The following NUDCD3 variants were observed in gnomAD, a reference collection of about 807,000 sequenced individuals.
NUDCD3 encodes nudC domain-containing protein 3.
Under a neutral mutation model 39.7 loss-of-function variants are expected in NUDCD3, and 13 were observed. The observed-to-expected ratio is 0.33, with a 90% CI of 0.21 to 0.52. The LOEUF is 0.52. Among genes scored for constraint, NUDCD3 ranks in the 20% least tolerant of loss-of-function variants. NUDCD3 has a pLI of 0.96. For missense variants in NUDCD3, 453 were observed against 458.1 expected (o/e 0.99, Z 0.10); for synonymous variants, 175 against 172.4 (o/e 1.02, Z -0.12).
chr7:44,457,662 G>C (rs10155870), intron 2 of NUDCD3, among the ~76,000 whole-genome samples: 24,111 of 152,118 alleles, frequency 0.16, 2,081 homozygotes, highest in Non-Finnish European at 0.19. Context: ...GGACTTGTAT[G>C]TAGACTACAT....
At chr7:44,446,034 T>C (rs1240856699) in intron 2 of NUDCD3, among the ~76,000 whole-genome samples, 1 of 152,202 alleles carries the variant, frequency 6.6e-6, no homozygotes, top group Non-Finnish European at 1.5e-5. Context: ...AGACAACCTA[T>C]TAGCTGTAGC....
intron 3 of NUDCD3, among the ~76,000 whole-genome samples, chr7:44,419,070 C>T (rs566067325): frequency 2.0e-5 from 3 of 152,034 alleles, no homozygotes; most frequent in East Asian, 3.9e-4. Context: ...GCACCTGGAA[C>T]CCCAGCAAGA....
At chr7:44,490,358 A>T (rs1216883394) in intron 1 of NUDCD3, 51 bp downstream of exon 1, 1 of 1,457,218 alleles carries the variant, frequency 6.9e-7, no homozygotes, top group East Asian at 2.6e-5. Context: ...GCCAGGAGTC[A>T]GGGCAGGCCG....
chr7:44,418,718 G>A (rs1799076916), intron 3 of NUDCD3, among the ~76,000 whole-genome samples: 1 of 152,218 alleles, frequency 6.6e-6, no homozygotes, highest in Non-Finnish European at 1.5e-5. Flanking sequence ...ATTTCCAACT[G>A]AGGTACCCTG....
intron 3 of NUDCD3, among the ~76,000 whole-genome samples, chr7:44,415,844 A>G (rs1229348699): frequency 6.6e-6 from 1 of 152,220 alleles, no homozygotes; most frequent in Non-Finnish European, 1.5e-5. Flanking sequence ...TACCATCGTG[A>G]CAATGTCCCA....
chr7:44,435,213 G>A (rs534667568), intron 2 of NUDCD3, among the ~76,000 whole-genome samples: 1 of 152,262 alleles, frequency 6.6e-6, no homozygotes, highest in Non-Finnish European at 1.5e-5. Context: ...TGCAATGACA[G>A]TAGCCTGCCT....
intron 2 of NUDCD3, among the ~76,000 whole-genome samples, chr7:44,458,225 A>C (rs539007208): frequency 6.6e-6 from 1 of 152,232 alleles, no homozygotes; most frequent in Non-Finnish European, 1.5e-5. Flanking sequence ...AGGCCACATA[A>C]TGTATTATTC....
chr7:44,456,616 C>G (rs935884317), intron 2 of NUDCD3, among the ~76,000 whole-genome samples: 2 of 152,120 alleles, frequency 1.3e-5, no homozygotes, highest in African/African-American at 4.8e-5. Flanking sequence ...TTTAGCTAGG[C>G]ATGGTGGCAC....
At chr7:44,412,437 T>C (rs961071947) in intron 3 of NUDCD3, among the ~76,000 whole-genome samples, 3 of 152,254 alleles carry the variant, frequency 2.0e-5, no homozygotes, top group African/African-American at 7.2e-5. Context: ...TTTCAAGTTC[T>C]ATCTGTATTT....
At chr7:44,390,602 A>T (rs1798495899) in intron 5 of NUDCD3, among the ~76,000 whole-genome samples, 1 of 152,182 alleles carries the variant, frequency 6.6e-6, no homozygotes. Flanking sequence ...TCTGGAACAA[A>T]AGGCATCTGG....
intron 3 of NUDCD3, among the ~76,000 whole-genome samples, chr7:44,424,712 T>C (rs1043998198): frequency 6.6e-6 from 1 of 152,188 alleles, no homozygotes; most frequent in Non-Finnish European, 1.5e-5. Flanking sequence ...AGTTCAACCA[T>C]TGTGGAAGAC....
At chr7:44,467,036 GTTTC>G in intron 2 of NUDCD3, among the ~76,000 whole-genome samples, 1 of 152,244 alleles carries the variant, frequency 6.6e-6, no homozygotes, top group African/African-American at 2.4e-5. Flanking sequence ...GCACTGACTG[GTTTC>G]TTTCCCCACA....
chr7:44,442,786 C>G (rs1380528016), intron 2 of NUDCD3, among the ~76,000 whole-genome samples: 12 of 151,438 alleles, frequency 7.9e-5, no homozygotes, highest in Admixed American at 4.6e-4. Flanking sequence ...AGCTCCGCCT[C>G]CCGGGTTCAC....
intron 1 of NUDCD3, 29 bp from the exon 2 acceptor site, chr7:44,485,313 G>A: frequency 6.5e-7 from 1 of 1,544,792 alleles, no homozygotes; most frequent in Non-Finnish European, 8.9e-7. Flanking sequence ...CCAGCAATCA[G>A]TTCATCTGCC....
intron 2 of NUDCD3, among the ~76,000 whole-genome samples, chr7:44,455,526 A>G (rs1799874608): frequency 6.6e-6 from 1 of 151,866 alleles, no homozygotes; most frequent in African/African-American, 2.4e-5. Context: ...TCCAAGCCCA[A>G]TCCTTCAGGC....
intron 2 of NUDCD3, among the ~76,000 whole-genome samples, chr7:44,430,893 C>T (rs2116907345): frequency 6.6e-6 from 1 of 152,236 alleles, no homozygotes; most frequent in African/African-American, 2.4e-5. Flanking sequence ...AAGCTGTATG[C>T]TTTTGGAAAG....
At chr7:44,436,469 T>C (rs1206599935) in intron 2 of NUDCD3, among the ~76,000 whole-genome samples, 1 of 152,202 alleles carries the variant, frequency 6.6e-6, no homozygotes, top group Non-Finnish European at 1.5e-5. Flanking sequence ...GGTCAAAGGA[T>C]ATATACATAT....
At position 44,485,282 on chromosome 7, in the gene NUDCD3, T is replaced by A. The variant is rs1158750133; in HGVS notation, c.195A>T (p.Val65=). ...GGGCCATGTGGTCAAAGGTTTTGAA[T>A]ACCTAAAATCAAACACCAATCCAGC... ...PGAAQALVLQ[V]FKTFDHMARQ... is the part of the protein sequence containing the mutation. The change falls in exon 2 of 6, where the codon GTA becomes GTT. Residue 65 remains valine (V), a splice_region_variant and synonymous_variant. Coordinates refer to ENST00000355451, the MANE Select transcript of NUDCD3 (RefSeq NM_015332.4). The A allele has an allele frequency of 1.2e-6, 2 of 1,606,566 alleles. No homozygotes were observed. The highest frequency in any genetic ancestry group is 2.2e-5 in the East Asian group (1 of 44,766).
At chr7:44,394,969 T>A (rs1418350162) in intron 4 of NUDCD3, among the ~76,000 whole-genome samples, 1 of 152,086 alleles carries the variant, frequency 6.6e-6, no homozygotes, top group Non-Finnish European at 1.5e-5. Context: ...GAGGGGAACA[T>A]CCCCAAATCT....
Sources: gnomAD v4.1 joint callset for allele counts (sites outside exome capture counted in the v4.1 genomes callset) on GRCh38, gnomAD v4.1.1 for gene constraint, MANE v1.5 for transcripts, NCBI Gene and HGNC (gene_info 2026-07-23, HGNC 2026-07-21) for gene names.